Variants in SPTLC2 observed in about 807,000 individuals in gnomAD.
SPTLC2 encodes serine palmitoyltransferase long chain base subunit 2.
A neutral mutation model predicts 62.0 loss-of-function variants in SPTLC2; 21 were observed. That is an observed-to-expected ratio of 0.34 (90% CI 0.24 to 0.49). SPTLC2 has a LOEUF of 0.49. SPTLC2 is among the 20% of genes least tolerant of loss of function. SPTLC2 has a pLI of 0.99. For missense variants in SPTLC2, 511 were observed against 713.0 expected (o/e 0.72, Z 3.23); for synonymous variants, 261 against 261.8 (o/e 1.00, Z 0.03).
rs187731449 is a variant in SPTLC2 at position 77,612,976 on chromosome 14, G to C, written c.132+3472C>G. The stretch of plus-strand genomic sequence containing the variant: ...CTTTCACACTTATTAACTAACTCAG[G>C]AAAGTAAAAGGAAAACCTAAATCTC... On this transcript the variant is annotated intron_variant, in intron 1 of 11. Coordinates refer to ENST00000216484, the MANE Select transcript of SPTLC2 (RefSeq NM_004863.4). 2.0e-4 allele frequency among the ~76,000 whole-genome samples: 30 copies of C among 152,176 alleles called. 1 individual carries two copies. The highest frequency in any genetic ancestry group is 7.2e-4 in the African/African-American group (30 of 41,522).
At chr14:77,588,473 T>C (rs2079795170) in intron 2 of SPTLC2, among the ~76,000 whole-genome samples, 1 of 151,814 alleles carries the variant, frequency 6.6e-6, no homozygotes, top group Non-Finnish European at 1.5e-5. Context: ...GGTGGATCGC[T>C]TGAGCTCAGG....
chr14:77,570,254 T>C lies in SPTLC2; in HGVS notation c.756+130A>G, dbSNP rs529359672. ...AAAAAAAAAAAAGAAAAACAATTTGTGGTAGAAATATCTTTGGCTAAACTA... is the reference window on the plus strand; with the variant it reads ...AAAAAAAAAAAAGAAAAACAATTTGCGGTAGAAATATCTTTGGCTAAACTA... On this transcript the variant is annotated intron_variant, in intron 5 of 11. Transcript: ENST00000216484. 16 of 1,136,216 alleles carry C rather than the reference T, an allele frequency of 1.4e-5. No individual in the cohort carries two copies. In the South Asian group the frequency reaches 1.9e-4, roughly 14 times the overall value. 70.4% of individuals were successfully genotyped at this position (1,136,216 alleles called of 1,614,324 possible). A position where few individuals can be genotyped will look rare whatever the true frequency, so the allele number is the denominator to read the frequency against.
chr14:77,598,868 G>A (rs1403998026), intron 1 of SPTLC2, among the ~76,000 whole-genome samples: 1 of 151,168 alleles, frequency 6.6e-6, no homozygotes, highest in Non-Finnish European at 1.5e-5. Context: ...CCAGAAGGTC[G>A]AGATGGCAGT....
At chr14:77,539,899 TA>T (rs528184543) in intron 9 of SPTLC2, among the ~76,000 whole-genome samples, 1 of 151,932 alleles carries the variant, frequency 6.6e-6, no homozygotes. Context: ...CTTGAACTAA[TA>T]AAAAAACACA....
In SPTLC2 at chr14:77,512,049, A is replaced by C. The variant is rs1033746210; in HGVS notation, c.*235T>G. Reference sequence around the variant, plus strand: ...ATAAAATGTTTTTTTAATGGACTGAAAAAGCAAAGTGAGTCACCTTCGTTT... The same window carrying C: ...ATAAAATGTTTTTTTAATGGACTGACAAAGCAAAGTGAGTCACCTTCGTTT... On this transcript the variant is annotated 3_prime_UTR_variant, in exon 12 of 12. Coordinates refer to ENST00000216484, the MANE Select transcript of SPTLC2 (RefSeq NM_004863.4). 1.7e-6 allele frequency: 1 copy of C among 571,608 alleles called. No homozygotes were observed. Among genetic ancestry groups the C allele is most frequent in the Non-Finnish European group, 3.1e-6 (1 of 323,718 alleles). 35.4% of individuals were successfully genotyped at this position (571,608 alleles called of 1,614,324 possible).
intron 9 of SPTLC2, among the ~76,000 whole-genome samples, chr14:77,544,897 C>A (rs2079519805): frequency 1.3e-5 from 2 of 152,178 alleles, no homozygotes; most frequent in Admixed American, 1.3e-4. Flanking sequence ...ATCCCCCTTA[C>A]CCCTGATGTT....
chr14:77,509,911 A>C lies in SPTLC2; in HGVS notation c.*2373T>G, dbSNP rs1331142825. On this transcript the variant is annotated 3_prime_UTR_variant, in exon 12 of 12. Transcript: ENST00000216484. ...ATATAGATATATTTTAAATGCCGGTACTGACATTTGAATTTGCAGTGACTT... is the reference window on the plus strand; with the variant it reads ...ATATAGATATATTTTAAATGCCGGTCCTGACATTTGAATTTGCAGTGACTT... 2.5e-6 allele frequency: 1 copy of C among 398,374 alleles called. No homozygotes were observed. Among genetic ancestry groups the C allele is most frequent in the Non-Finnish European group, 4.4e-6 (1 of 226,004 alleles). 24.7% of individuals were successfully genotyped at this position (398,374 alleles called of 1,614,324 possible).
chr14:77,614,946 G>T (rs1327894025), intron 1 of SPTLC2, among the ~76,000 whole-genome samples: 2 of 151,352 alleles, frequency 1.3e-5, no homozygotes, highest in African/African-American at 4.9e-5. Context: ...ACTCCAGCCT[G>T]GGTGACAAGA....
chr14:77,512,459 C>T (rs984159481), intron 11 of SPTLC2, 56 bp from the exon 12 acceptor site: 55 of 1,613,204 alleles, frequency 3.4e-5, no homozygotes, highest in Non-Finnish European at 4.1e-5. Context: ...TGCAGGCATG[C>T]CTGGTGTTTT....
chr14:77,594,437 C>A (rs146686788), intron 2 of SPTLC2, among the ~76,000 whole-genome samples: 1 of 152,300 alleles, frequency 6.6e-6, no homozygotes, highest in East Asian at 1.9e-4. Context: ...TGAGCACCAG[C>A]TGCACAAGCT....
Position 77,509,125 on chromosome 14 carries a change from T to C in SPTLC2, c.*3159A>G, listed in dbSNP as rs1180665686. 1 of 152,208 alleles carries C rather than the reference T, an allele frequency of 6.6e-6. No individual in the cohort carries two copies. The highest frequency in any genetic ancestry group is 1.5e-5 in the Non-Finnish European group (1 of 68,034). 9.4% of individuals were successfully genotyped at this position (152,208 alleles called of 1,614,324 possible). A position where few individuals can be genotyped will look rare whatever the true frequency, so the allele number is the denominator to read the frequency against. On this transcript the variant is annotated 3_prime_UTR_variant, in exon 12 of 12. Coordinates refer to ENST00000216484, the MANE Select transcript of SPTLC2 (RefSeq NM_004863.4). ...CTGTTTTAAAATCCTTGCCCTATCA[T>C]GAATGTTTACGATAGTGACTAAAGC...
intron 2 of SPTLC2, among the ~76,000 whole-genome samples, chr14:77,587,983 G>A (rs996061347): frequency 2.6e-5 from 4 of 152,080 alleles, no homozygotes; most frequent in African/African-American, 9.7e-5. Flanking sequence ...AACCCAGGCT[G>A]GAGAGAAGTG....
Position 77,511,906 on chromosome 14 carries a change from C to T in SPTLC2, c.*378G>A. 1 of 295,076 alleles carries T rather than the reference C, an allele frequency of 3.4e-6. No individual in the cohort carries two copies. Among genetic ancestry groups the T allele is most frequent in the South Asian group, 3.4e-5 (1 of 29,210 alleles). The allele number at this position is 295,076 out of a possible 1,614,324, so 18.3% of individuals were successfully genotyped here. ...AAGTATCCAGGCTGCGGAGCCAGGG[C>T]CAGCAGTAGCTCTTGATGGGCCCAA... On this transcript the variant is annotated 3_prime_UTR_variant, in exon 12 of 12. Transcript: ENST00000216484.
At chr14:77,528,689 A>G (rs995952362) in intron 9 of SPTLC2, among the ~76,000 whole-genome samples, 1 of 152,248 alleles carries the variant, frequency 6.6e-6, no homozygotes, top group African/African-American at 2.4e-5. Flanking sequence ...ATGGAAAAAT[A>G]CTACCCATCA....
At chr14:77,589,839 G>C (rs11625310) in intron 2 of SPTLC2, among the ~76,000 whole-genome samples, 8,445 of 150,824 alleles carry the variant, frequency 0.056, 310 homozygotes, top group Non-Finnish European at 0.084. Flanking sequence ...TTAGCTGGGC[G>C]TGGTGGTGCA....
At chr14:77,602,295 C>G (rs2079882297) in intron 1 of SPTLC2, among the ~76,000 whole-genome samples, 1 of 152,150 alleles carries the variant, frequency 6.6e-6, no homozygotes, top group Non-Finnish European at 1.5e-5. Flanking sequence ...TCAAACTCAA[C>G]AAGTCTAAAG....
chr14:77,615,015 T>A (rs2079958796), intron 1 of SPTLC2, among the ~76,000 whole-genome samples: 1 of 151,852 alleles, frequency 6.6e-6, no homozygotes, highest in Admixed American at 6.6e-5. Context: ...CATACCTCAA[T>A]GAAATTCACC....
In SPTLC2 at chr14:77,509,930, G is replaced by GT. The variant is rs2079324039; in HGVS notation, c.*2353dup. Reference sequence around the variant, plus strand: ...GCCGGTACTGACATTTGAATTTGCAGTGACTTCATGCAAGCCAAAATAAAA... The same window carrying GT: ...GCCGGTACTGACATTTGAATTTGCAGTTGACTTCATGCAAGCCAAAATAAAA... On this transcript the variant is annotated 3_prime_UTR_variant, in exon 12 of 12. Coordinates refer to ENST00000216484, the MANE Select transcript of SPTLC2 (RefSeq NM_004863.4). 1 of 398,282 alleles carries GT rather than the reference G, an allele frequency of 2.5e-6. No homozygotes were observed. Among genetic ancestry groups the GT allele is most frequent in the Non-Finnish European group, 4.4e-6 (1 of 225,990 alleles). 24.7% of individuals were successfully genotyped at this position (398,282 alleles called of 1,614,324 possible). A position where few individuals can be genotyped will look rare whatever the true frequency, so the allele number is the denominator to read the frequency against.
At chr14:77,545,582 T>C (rs1471441045) in intron 9 of SPTLC2, among the ~76,000 whole-genome samples, 1 of 152,200 alleles carries the variant, frequency 6.6e-6, no homozygotes, top group African/African-American at 2.4e-5. Flanking sequence ...TATCAGGTTC[T>C]TACTTTGAGC....
Sources: gnomAD v4.1 joint callset for allele counts (sites outside exome capture counted in the v4.1 genomes callset) on GRCh38, gnomAD v4.1.1 for gene constraint, MANE v1.5 for transcripts, NCBI Gene and HGNC (gene_info 2026-07-23, HGNC 2026-07-21) for gene names.